Variants in MUC5B observed in about 807,000 individuals in gnomAD.
MUC5B encodes mucin-5B.
MUC5B carries 116 observed loss-of-function variants against 376.9 expected under a neutral mutation model. The ratio of observed to expected loss-of-function variants is 0.31; its 90% confidence interval spans 0.26 to 0.36. The LOEUF (loss-of-function observed/expected upper bound fraction) is 0.36. Among genes scored for constraint, MUC5B ranks in the 10% least tolerant of loss-of-function variants. The pLI, the probability that MUC5B is intolerant of heterozygous loss-of-function variation, is 1.00. For missense variants in MUC5B, 7,165 were observed against 7,769.9 expected, an observed-to-expected ratio of 0.92 and a Z score of 2.93; for synonymous variants, 3,517 against 3,390.9, an observed-to-expected ratio of 1.04 and a Z score of -1.29.
At position 1,241,790 on chromosome 11, in the gene MUC5B, C is replaced by G. The variant is rs776605835; in HGVS notation, c.4910C>G (p.Pro1637Arg). The G allele has an allele frequency of 1.2e-6, 2 of 1,612,128 alleles. No individual in the cohort carries two copies. Among genetic ancestry groups the G allele is most frequent in the Non-Finnish European group, 1.7e-6 (2 of 1,179,178 alleles). Residue 1637 changes from proline to arginine, a missense_variant, in exon 31 of 49, where the codon CCG (proline) becomes CGG (arginine). Pro to Arg is a moderately radical substitution (Grantham distance 103). Transcript: ENST00000529681. ...LFSTPQPTSS[P>R]GLTRAPPAST... ...TCAACGCCGCAGCCTACGAGTAGCC[C>G]GGGGCTGACCAGGGCTCCCCCGGCC...
At chr11:1,226,936 C>A (rs990444632) in intron 4 of MUC5B, 60 bp downstream of exon 4, 10 of 1,365,782 alleles carry the variant, frequency 7.3e-6, no homozygotes, top group South Asian at 5.9e-5. Context: ...CCTCCCCACA[C>A]GGCCATGTCT....
rs1318242806 is a variant in MUC5B at position 1,254,360 on chromosome 11, A to C, written c.15477+9A>C. The C allele has an allele frequency of 6.3e-7, 1 of 1,598,824 alleles. No homozygotes were observed. Among genetic ancestry groups the C allele is most frequent in the African/African-American group, 1.3e-5 (1 of 74,906 alleles). ...GGAAGGAGGAGGGCCTGGTGAGTCC[A>C]GGCTGCGGGTGGCACAGTGTTGGCC... On this transcript the variant is annotated intron_variant, in intron 34 of 48. Coordinates refer to ENST00000529681, the MANE Select transcript of MUC5B (RefSeq NM_002458.3).
In MUC5B at chr11:1,247,155, A is replaced by C; in HGVS notation, c.10275A>C (p.Thr3425=). ...IPPVLTTTAT[T]PAATSSTVTP... ...CAGTGCTGACCACCACCGCCACCAC[A>C]CCTGCAGCCACCAGCAGCACAGTGA... Residue 3425 remains threonine (T), a synonymous_variant, in exon 31 of 49, where the codon ACA becomes ACC. Coordinates refer to ENST00000529681, the MANE Select transcript of MUC5B (RefSeq NM_002458.3). The C allele has an allele frequency of 6.5e-7, 1 of 1,539,772 alleles. No homozygotes were observed.
At position 1,250,541 on chromosome 11, in the gene MUC5B, C is replaced by A. The variant is rs1210690247; in HGVS notation, c.13661C>A (p.Ser4554Tyr). ...ACCATGTCCACAGCCACACCCTCCT[C>A]CACTCCAGAGACTGTCCACACCTCC... ...TATMSTATPSSTPETVHTSTV... is the reference protein window; with the variant it reads ...TATMSTATPSYTPETVHTSTV... The change falls in exon 31 of 49, where the codon TCC becomes TAC. Residue 4554 changes from serine to tyrosine, a missense_variant. Physicochemically the swap from Ser to Tyr is moderately radical, Grantham distance 144. This residue lies in a region of MUC5B where 730 missense variants were observed against 592.7 expected (regional missense o/e 1.23). Coordinates refer to ENST00000529681, the MANE Select transcript of MUC5B (RefSeq NM_002458.3). The A allele has an allele frequency of 6.8e-6, 11 of 1,613,108 alleles. No individual in the cohort carries two copies. Among genetic ancestry groups the A allele is most frequent in the Non-Finnish European group, 2.5e-6 (3 of 1,179,306 alleles).
intron 35 of MUC5B, 27 bp from the exon 36 acceptor site, chr11:1,255,014 G>GCC (rs1412388123): frequency 3.2e-6 from 5 of 1,558,082 alleles, no homozygotes; most frequent in Non-Finnish European, 4.3e-6. Context: ...CCAGATTCCA[G>GCC]CCCCGCGGTG....
At chr11:1,238,278 T>A (rs1048340612) in intron 25 of MUC5B, among the ~76,000 whole-genome samples, 1 of 152,238 alleles carries the variant, frequency 6.6e-6, no homozygotes, top group Non-Finnish European at 1.5e-5. Context: ...GCCTGGCATG[T>A]TCTGGGCTCA....
chr11:1,230,239 G>A, intron 11 of MUC5B, 96 bp downstream of exon 11: 1 of 1,464,658 alleles, frequency 6.8e-7, no homozygotes, highest in Non-Finnish European at 9.1e-7. Context: ...GTCATAGAGG[G>A]GTGGATGTCC....
In MUC5B at chr11:1,244,281, G is replaced by A. The variant is rs371019035; in HGVS notation, c.7401G>A (p.Glu2467=). ...CAGGGACCACCTGGATCCTCACAGA[G>A]CCGAGCACTACAGCCACCGTGACGG... is the stretch of plus-strand genomic sequence containing the variant. ...STPGTTWILT[E]PSTTATVTVP... The change falls in exon 31 of 49, where the codon GAG becomes GAA. Residue 2467 remains glutamate, a synonymous_variant. Coordinates refer to ENST00000529681, the MANE Select transcript of MUC5B (RefSeq NM_002458.3). The A allele has an allele frequency of 1.4e-4, 229 of 1,608,096 alleles. No homozygotes were observed. In the African/African-American group the frequency reaches 2.6e-3, roughly 18 times the overall value.
rs190661408 is a variant in MUC5B, at chr11:1,251,162, C to T, written c.14282C>T (p.Thr4761Met). The T allele has an allele frequency of 5.5e-5, 88 of 1,611,274 alleles. No homozygotes were observed. In the Admixed American group the frequency reaches 9.8e-4, roughly 18 times the overall value. ...TPIPSSTLWT[T>M]WTVPAQTTTP... ...ATCCCCTCCTCCACCCTGTGGACCACGTGGACCGTCCCAGCACAGACCACC... is the reference window on the plus strand; with the variant it reads ...ATCCCCTCCTCCACCCTGTGGACCATGTGGACCGTCCCAGCACAGACCACC... Residue 4761 changes from threonine (T) to methionine (M), a missense_variant, in exon 31 of 49, where the codon ACG (threonine) becomes ATG (methionine). Thr to Met is a moderately conservative substitution (Grantham distance 81, BLOSUM62 -1). This residue lies in a region of MUC5B where 730 missense variants were observed against 592.7 expected (regional missense o/e 1.23). Transcript: ENST00000529681.
rs762346031 is a variant in MUC5B at position 1,244,246 on chromosome 11, T to C, written c.7366T>C (p.Ser2456Pro). The C allele has an allele frequency of 6.2e-7, 1 of 1,610,372 alleles. No homozygotes were observed. The highest frequency in any genetic ancestry group is 8.5e-7 in the Non-Finnish European group (1 of 1,178,486). The change falls in exon 31 of 49, where the codon TCC (serine) becomes CCC (proline). Residue 2456 changes from serine (S) to proline (P), a missense_variant. This residue lies in a region of MUC5B where 194 missense variants were observed against 268.5 expected (regional missense o/e 0.72). Coordinates refer to ENST00000529681, the MANE Select transcript of MUC5B (RefSeq NM_002458.3). ...GTCCACTGGATCCACGGCCACCCCG[T>C]CCTCCACCCCAGGGACCACCTGGAT... ...TESTGSTATPSSTPGTTWILT... is the reference protein window; with the variant it reads ...TESTGSTATPPSTPGTTWILT...
Position 1,251,608 on chromosome 11 carries a change from C to T in MUC5B, c.14728C>T (p.Pro4910Ser), listed in dbSNP as rs757453310. ...VGTTRTPAVL[P>S]SSLPTFSVST... ...GACCACCCGCACCCCTGCAGTGCTC[C>T]CCAGCAGCCTGCCAACCTTCAGCGT... is the stretch of plus-strand genomic sequence containing the variant. Residue 4910 changes from proline (P) to serine (S), a missense_variant, in exon 31 of 49, where the codon CCC becomes TCC. Coordinates refer to ENST00000529681, the MANE Select transcript of MUC5B (RefSeq NM_002458.3). 6 of 1,612,910 alleles carry T rather than the reference C, an allele frequency of 3.7e-6. No individual in the cohort carries two copies. Among genetic ancestry groups the T allele is most frequent in the Non-Finnish European group, 5.1e-6 (6 of 1,179,790 alleles).
At position 1,249,087 on chromosome 11, in the gene MUC5B, T is replaced by G; in HGVS notation, c.12207T>G (p.Pro4069=). The part of the protein sequence containing the change: ...TQHSTPALSS[P]HPSSRTTESP... ...ACTCGACTCCAGCCCTGTCCAGCCCTCACCCTAGCAGCAGGACCACCGAGT... is the reference window on the plus strand; with the variant it reads ...ACTCGACTCCAGCCCTGTCCAGCCCGCACCCTAGCAGCAGGACCACCGAGT... Residue 4069 remains proline (P), a synonymous_variant, in exon 31 of 49, where the codon CCT becomes CCG. Transcript: ENST00000529681. The G allele has an allele frequency of 6.3e-7, 1 of 1,581,662 alleles. No homozygotes were observed. The highest frequency in any genetic ancestry group is 8.6e-7 in the Non-Finnish European group (1 of 1,168,746).
chr11:1,223,862 G>A (rs935308362), intron 1 of MUC5B, among the ~76,000 whole-genome samples: 1 of 152,194 alleles, frequency 6.6e-6, no homozygotes, highest in East Asian at 1.9e-4. Flanking sequence ...AGGGGCCACC[G>A]GGAGACACCC....
chr11:1,227,854 G>A lies in MUC5B; in HGVS notation c.774+73G>A. On this transcript the variant is annotated intron_variant, in intron 7 of 48. Coordinates refer to ENST00000529681, the MANE Select transcript of MUC5B (RefSeq NM_002458.3). ...TCCAGGGGGAGCTGGGCCGAGGTCT[G>A]AGGAATGTTCCCAGCTGGTGGAGAG... 4.6e-6 allele frequency: 3 copies of A among 657,084 alleles called. No individual in the cohort carries two copies. In the South Asian group the frequency reaches 4.9e-5, roughly 11 times the overall value. 40.7% of individuals were successfully genotyped at this position (657,084 alleles called of 1,614,324 possible). A position where few individuals can be genotyped will look rare whatever the true frequency, so the allele number is the denominator to read the frequency against.
intron 1 of MUC5B, 196 bp downstream of exon 1, chr11:1,223,389 A>T: frequency 1.5e-6 from 1 of 655,434 alleles, no homozygotes; most frequent in Non-Finnish European, 2.8e-6. Flanking sequence ...CAGGAAACTC[A>T]GGGGCTGGCT....
Position 1,228,569 on chromosome 11 carries a change from C to T in MUC5B, c.780C>T (p.Gly260=), listed in dbSNP as rs902376801. 3 of 1,522,374 alleles carry T rather than the reference C, an allele frequency of 2.0e-6. No homozygotes were observed. Among genetic ancestry groups the T allele is most frequent in the African/African-American group, 1.4e-5 (1 of 72,822 alleles). The allele number at this position is 1,522,374 out of a possible 1,614,324, so 94.3% of individuals were successfully genotyped here. A position where few individuals can be genotyped will look rare whatever the true frequency, so the allele number is the denominator to read the frequency against. ...LPAGNCTDEE[G]ICHRTLLGPA... ...TGGCCCACTGTGCTCCCCAGGAGGG[C>T]ATCTGCCACCGCACCCTGCTGGGGC... The change falls in exon 8 of 49, where the codon GGC becomes GGT. Residue 260 remains glycine (G), a synonymous_variant. Transcript: ENST00000529681.
At position 1,236,573 on chromosome 11, in the gene MUC5B, G is replaced by A. The variant is rs1010131545; in HGVS notation, c.3057+11G>A. 1 of 1,611,326 alleles carries A rather than the reference G, an allele frequency of 6.2e-7. No homozygotes were observed. The highest frequency in any genetic ancestry group is 8.5e-7 in the Non-Finnish European group (1 of 1,179,232). On this transcript the variant is annotated intron_variant, in intron 24 of 48. Coordinates refer to ENST00000529681, the MANE Select transcript of MUC5B (RefSeq NM_002458.3). ...CACCAGGACTACAAGGTGAGCTCGG[G>A]CCGTGCACTCCTAGGCCCTGCAGGA... is the stretch of plus-strand genomic sequence containing the variant.
rs1338503810 is a variant in MUC5B at position 1,244,121 on chromosome 11, G to A, written c.7241G>A (p.Cys2414Tyr). Residue 2414 changes from cysteine to tyrosine, a missense_variant, in exon 31 of 49, where the codon TGC becomes TAC. Physicochemically the swap from Cys to Tyr is radical, Grantham distance 194. This residue lies in a region of MUC5B where 194 missense variants were observed against 268.5 expected (regional missense o/e 0.72). Transcript: ENST00000529681. ...GTGTTCTGCTGCAACTACGGCCACT[G>A]CCCCAGCACCCCGGCCACCAGCTCT... Reference protein sequence around the residue: ...IRVFCCNYGHCPSTPATSSTA... With the variant: ...IRVFCCNYGHYPSTPATSSTA... The A allele has an allele frequency of 2.5e-6, 4 of 1,610,936 alleles. No homozygotes were observed. In the South Asian group the frequency reaches 3.3e-5, roughly 13 times the overall value.
At position 1,231,536 on chromosome 11, in the gene MUC5B, C is replaced by T. The variant is rs866589641; in HGVS notation, c.1654C>T (p.Pro552Ser). ...CATGCAGGTGTTTGTCAGGCTGGAC[C>T]CCGCCCACCAGGGCCAGATGTGCGG... ...PLMQVFVRLD[P>S]AHQGQMCGLC... Residue 552 changes from proline (P) to serine (S), a missense_variant, in exon 14 of 49, where the codon CCC (proline) becomes TCC (serine). This residue lies in a region of MUC5B where 640 missense variants were observed against 733.0 expected (regional missense o/e 0.87). Transcript: ENST00000529681. 9 of 1,587,542 alleles carry T rather than the reference C, an allele frequency of 5.7e-6. No individual in the cohort carries two copies. In the Middle Eastern group the frequency reaches 1.5e-3, roughly 263 times the overall value.
Sources: gnomAD v4.1 joint callset for allele counts (sites outside exome capture counted in the v4.1 genomes callset) on GRCh38, gnomAD v4.1.1 for gene constraint, gnomAD v4.1.1 regional missense constraint, MANE v1.5 for transcripts, NCBI Gene and HGNC (gene_info 2026-07-23, HGNC 2026-07-21) for gene names.